CDK5RAP2: variants seen among roughly 807,000 people sequenced by gnomAD.
CDK5RAP2 encodes CDK5 regulatory subunit-associated protein 2.
In CDK5RAP2, 147 loss-of-function variants were observed where a neutral mutation model predicts 232.9. The ratio of observed to expected loss-of-function variants is 0.63; its 90% confidence interval spans 0.55 to 0.72. CDK5RAP2 has a LOEUF of 0.72. Among genes scored for constraint, CDK5RAP2 ranks in the 30% least tolerant of loss-of-function variants. CDK5RAP2 has a pLI of 0.00. For missense variants in CDK5RAP2, 2,195 were observed against 2,231.5 expected, an observed-to-expected ratio of 0.98 and a Z score of 0.33; for synonymous variants, 833 against 833.7, an observed-to-expected ratio of 1.00 and a Z score of 0.01.
rs147892671 is a variant in CDK5RAP2, at chr9:120,453,717, C to T, written c.2532G>A (p.Lys844=). The T allele has an allele frequency of 1.3e-4, 215 of 1,614,096 alleles. No individual in the cohort carries two copies. The highest frequency in any genetic ancestry group is 1.7e-4 in the Non-Finnish European group (205 of 1,180,038). ...VHFVQTNSFS[K]PHDELKLSCE... ...AAGACAACTTCAGTTCATCATGTGG[C>T]TTGGAAAATGAGTTGGTTTGGACAA... is the stretch of plus-strand genomic sequence containing the variant. The change falls in exon 21 of 38, where the codon AAG becomes AAA. Residue 844 remains lysine, a synonymous_variant. Transcript: ENST00000349780.
intron 31 of CDK5RAP2, 115 bp downstream of exon 31, chr9:120,408,232 C>A (rs866306369): frequency 8.2e-7 from 1 of 1,216,330 alleles, no homozygotes; most frequent in Middle Eastern, 2.7e-4. Flanking sequence ...ATCCACTCTA[C>A]CCACAAGGCC....
At chr9:120,520,243 A>G (rs1199334592) in intron 11 of CDK5RAP2, among the ~76,000 whole-genome samples, 1 of 152,246 alleles carries the variant, frequency 6.6e-6, no homozygotes, top group Non-Finnish European at 1.5e-5. Context: ...GAATACACTC[A>G]TATCAAGAAA....
intron 14 of CDK5RAP2, among the ~76,000 whole-genome samples, chr9:120,486,486 T>C (rs2038610357): frequency 6.6e-6 from 1 of 151,880 alleles, no homozygotes; most frequent in Admixed American, 6.6e-5. Flanking sequence ...GGTTGCATTA[T>C]TCATTCATTC....
intron 23 of CDK5RAP2, among the ~76,000 whole-genome samples, chr9:120,443,142 C>T (rs1236380567): frequency 6.6e-6 from 1 of 152,104 alleles, no homozygotes; most frequent in Non-Finnish European, 1.5e-5. Context: ...GCACCTTTTC[C>T]ACTGATCTGC....
intron 20 of CDK5RAP2, among the ~76,000 whole-genome samples, chr9:120,458,066 T>C (rs867504815): frequency 2.6e-5 from 4 of 152,210 alleles, no homozygotes; most frequent in Admixed American, 1.3e-4. Flanking sequence ...AGAACTTTAA[T>C]TCAAGCTCAG....
At chr9:120,437,028 C>A (rs1290036095) in intron 25 of CDK5RAP2, among the ~76,000 whole-genome samples, 1 of 152,160 alleles carries the variant, frequency 6.6e-6, no homozygotes, top group Admixed American at 6.5e-5. Context: ...AGAGGCAGTG[C>A]CTTCTGGCTG....
intron 3 of CDK5RAP2, among the ~76,000 whole-genome samples, chr9:120,555,809 G>A (rs528777831): frequency 6.6e-5 from 10 of 152,276 alleles, no homozygotes; most frequent in Admixed American, 3.3e-4. Context: ...AAACTCTTAC[G>A]TCCCTCAGAG....
chr9:120,510,362 A>G (rs115705588), intron 12 of CDK5RAP2, among the ~76,000 whole-genome samples: 1 of 152,196 alleles, frequency 6.6e-6, no homozygotes, highest in Non-Finnish European at 1.5e-5. Flanking sequence ...GACGGGTCTC[A>G]TAACAGATGA....
chr9:120,521,228 C>T (rs2040637275), intron 11 of CDK5RAP2, among the ~76,000 whole-genome samples: 1 of 152,212 alleles, frequency 6.6e-6, no homozygotes, highest in African/African-American at 2.4e-5. Context: ...GAGCTAACAA[C>T]ACTTACTGTG....
intron 14 of CDK5RAP2, among the ~76,000 whole-genome samples, 185 bp from the exon 15 acceptor site, chr9:120,477,635 C>T (rs1564275175): frequency 6.6e-6 from 1 of 152,216 alleles, no homozygotes; most frequent in Non-Finnish European, 1.5e-5. Flanking sequence ...TGGGGAATGA[C>T]TGCCCATCAC....
At chr9:120,568,183 A>G in intron 3 of CDK5RAP2, 138 bp downstream of exon 3, 1 of 752,386 alleles carries the variant, frequency 1.3e-6, no homozygotes, top group South Asian at 1.5e-5. Context: ...CTCACAGAAG[A>G]TGTCCATGAG....
chr9:120,511,655 T>G (rs919164993), intron 12 of CDK5RAP2, among the ~76,000 whole-genome samples: 4 of 151,996 alleles, frequency 2.6e-5, no homozygotes, highest in African/African-American at 9.7e-5. Context: ...ACTGATTTTC[T>G]CTTTTTGCTT....
At chr9:120,458,347 T>C (rs2036899058) in intron 20 of CDK5RAP2, 103 bp downstream of exon 20, 1 of 1,108,566 alleles carries the variant, frequency 9.0e-7, no homozygotes, top group Non-Finnish European at 1.4e-6. Context: ...AGGAGCTCTC[T>C]CAGGTAAATT....
In CDK5RAP2 at chr9:120,477,395, T is replaced by C; in HGVS notation, c.1682A>G (p.Gln561Arg). The change falls in exon 15 of 38, where the codon CAG (glutamine) becomes CGG (arginine). Residue 561 changes from glutamine (Q) to arginine (R), a missense_variant. Physicochemically the swap from Gln to Arg is conservative, Grantham distance 43. Coordinates refer to ENST00000349780, the MANE Select transcript of CDK5RAP2 (RefSeq NM_018249.6). The part of the protein sequence containing the change: ...EELIQVLKKE[Q>R]DIYTHLVKSL... The stretch of plus-strand genomic sequence containing the variant: ...TTTGACCAGATGGGTATAGATGTCC[T>C]GCTCTTTCTTTAAGACCTGAATCAG... The C allele has an allele frequency of 1.9e-6, 3 of 1,614,100 alleles. No individual in the cohort carries two copies. The highest frequency in any genetic ancestry group is 2.5e-6 in the Non-Finnish European group (3 of 1,180,014).
At chr9:120,546,085 G>A (rs1214769375) in intron 4 of CDK5RAP2, among the ~76,000 whole-genome samples, 1 of 152,176 alleles carries the variant, frequency 6.6e-6, no homozygotes, top group Non-Finnish European at 1.5e-5. Context: ...ATACAAGGAA[G>A]GCTGATTTAA....
intron 20 of CDK5RAP2, among the ~76,000 whole-genome samples, chr9:120,457,685 G>T (rs1025726103): frequency 6.6e-6 from 1 of 152,232 alleles, no homozygotes; most frequent in African/African-American, 2.4e-5. Flanking sequence ...CTTATCAAGA[G>T]TCATGGGCAA....
At chr9:120,409,000 A>C (rs540053229) in intron 30 of CDK5RAP2, 127 bp downstream of exon 30, 7 of 845,472 alleles carry the variant, frequency 8.3e-6, no homozygotes, top group East Asian at 2.5e-5. Context: ...CAGACGTACA[A>C]TGTGTTTGTG....
intron 8 of CDK5RAP2, among the ~76,000 whole-genome samples, chr9:120,529,083 G>C (rs972668162): frequency 1.3e-5 from 2 of 152,200 alleles, no homozygotes; most frequent in East Asian, 3.9e-4. Context: ...GCCGTGTGGC[G>C]GAAGTGGGCA....
chr9:120,571,948 G>C, intron 2 of CDK5RAP2, 26 bp downstream of exon 2: 1 of 1,584,904 alleles, frequency 6.3e-7, no homozygotes, highest in Non-Finnish European at 8.7e-7. Context: ...CTTTACTCAA[G>C]AGAATGCCTG....
Sources: allele counts gnomAD v4.1 joint callset (sites outside exome capture counted in the v4.1 genomes callset), GRCh38; gene constraint gnomAD v4.1.1; transcripts MANE v1.5; gene names NCBI Gene and HGNC (gene_info 2026-07-23, HGNC 2026-07-21).